Variants in CAMTA1 observed in about 807,000 individuals in gnomAD.
The protein encoded by CAMTA1 is calmodulin-binding transcription activator 1.
A neutral mutation model predicts 170.9 loss-of-function variants in CAMTA1; 27 were observed. The observed-to-expected ratio is 0.16, with a 90% CI of 0.12 to 0.22. The LOEUF (loss-of-function observed/expected upper bound fraction) is 0.22, where lower values mean the gene tolerates loss of function less well. Among genes scored for constraint, CAMTA1 ranks in the 10% least tolerant of loss-of-function variants. The pLI is 1.00. For missense variants in CAMTA1, 1,619 were observed against 2,217.2 expected, an observed-to-expected ratio of 0.73 and a Z score of 5.42; for synonymous variants, 833 against 891.5, an observed-to-expected ratio of 0.93 and a Z score of 1.17.
intron 11 of CAMTA1, among the ~76,000 whole-genome samples, chr1:7,712,330 T>C: frequency 6.6e-6 from 1 of 152,116 alleles, no homozygotes; most frequent in East Asian, 1.9e-4. Flanking sequence ...ATTACTATTT[T>C]TTTTTTTTGA....
At chr1:7,011,267 T>C (rs964049500) in intron 3 of CAMTA1, among the ~76,000 whole-genome samples, 2 of 152,180 alleles carry the variant, frequency 1.3e-5, no homozygotes, top group Non-Finnish European at 2.9e-5. Flanking sequence ...GGCAATGCTG[T>C]GATCTCGGCT....
At chr1:7,040,264 C>T (rs561182117) in intron 3 of CAMTA1, among the ~76,000 whole-genome samples, 3 of 151,746 alleles carry the variant, frequency 2.0e-5, no homozygotes, top group East Asian at 1.9e-4. Flanking sequence ...CTCTTGATAG[C>T]GTAATGCCAG....
In CAMTA1 at chr1:7,304,851, T is replaced by C. The variant is rs572867128; in HGVS notation, c.438+55225T>C. Among the ~76,000 whole-genome samples, 5 of 152,142 alleles carry C rather than the reference T, an allele frequency of 3.3e-5. No homozygotes were observed. The South Asian group carries it at 1.0e-3, about 31-fold the overall frequency. On this transcript the variant is annotated intron_variant, in intron 5 of 22. Coordinates refer to ENST00000303635, the MANE Select transcript of CAMTA1 (RefSeq NM_015215.4). ...GCTTTTTAATATTTTTTCTAGACAT[T>C]TAAAAAAGTGTAAGTAGCCAAATTT...
At chr1:7,600,310 A>G in intron 6 of CAMTA1, among the ~76,000 whole-genome samples, 1 of 143,756 alleles carries the variant, frequency 7.0e-6, no homozygotes, top group Non-Finnish European at 1.5e-5. Context: ...CATGGTGGAT[A>G]AGCTTTTGAT....
chr1:7,270,928 G>T (rs192326420), intron 5 of CAMTA1, among the ~76,000 whole-genome samples: 1 of 152,298 alleles, frequency 6.6e-6, no homozygotes, highest in Non-Finnish European at 1.5e-5. Flanking sequence ...AGCTCTTAAT[G>T]CCTATATCAA....
At chr1:7,576,733 G>A (rs886156956) in intron 6 of CAMTA1, among the ~76,000 whole-genome samples, 2 of 152,170 alleles carry the variant, frequency 1.3e-5, no homozygotes, top group African/African-American at 2.4e-5. Flanking sequence ...AGAGTGATGG[G>A]AGCGGGTGCT....
chr1:7,536,559 G>A lies in CAMTA1; in HGVS notation c.510+68658G>A, dbSNP rs12077705. Among the ~76,000 whole-genome samples the A allele has an allele frequency of 6.0e-3, 918 of 152,276 alleles. 4 individuals carry two copies. Among genetic ancestry groups the A allele is most frequent in the African/African-American group, 0.02 (850 of 41,544 alleles). Reference sequence around the variant, plus strand: ...TGGAGCTGGGCAGGCCTTGACAGGGGCTCTAGCCCAGGGTTCCCTATTCTG... The same window carrying A: ...TGGAGCTGGGCAGGCCTTGACAGGGACTCTAGCCCAGGGTTCCCTATTCTG... On this transcript the variant is annotated intron_variant, in intron 6 of 22. Transcript: ENST00000303635.
chr1:7,447,791 G>C, intron 5 of CAMTA1, among the ~76,000 whole-genome samples: 1 of 152,232 alleles, frequency 6.6e-6, no homozygotes, highest in East Asian at 1.9e-4. Flanking sequence ...CTGCCTTCCT[G>C]TGCTGAGTGT....
chr1:7,104,021 TAC>T (rs1232914535), intron 4 of CAMTA1, among the ~76,000 whole-genome samples: 1 of 128,374 alleles, frequency 7.8e-6, no homozygotes, highest in African/African-American at 3.2e-5. Context: ...TACACACATG[TAC>T]ACACTACATA....
intron 3 of CAMTA1, among the ~76,000 whole-genome samples, chr1:7,056,049 C>G (rs912699583): frequency 3.3e-5 from 5 of 152,184 alleles, no homozygotes; most frequent in African/African-American, 1.2e-4. Flanking sequence ...AGATCCTGTG[C>G]CTTTTGCTCT....
chr1:6,785,649 G>T, intron 1 of CAMTA1, 74 bp downstream of exon 1: 2 of 829,234 alleles, frequency 2.4e-6, no homozygotes, highest in Non-Finnish European at 2.9e-6. Flanking sequence ...GACATCCCGG[G>T]CATCGGCGGC....
intron 5 of CAMTA1, among the ~76,000 whole-genome samples, chr1:7,253,431 C>G (rs1438843846): frequency 2.0e-5 from 3 of 152,202 alleles, no homozygotes; most frequent in Non-Finnish European, 4.4e-5. Context: ...GTCCGCATCT[C>G]TCTGCTGAGA....
intron 6 of CAMTA1, among the ~76,000 whole-genome samples, chr1:7,485,623 G>T (rs2093607706): frequency 1.3e-5 from 2 of 152,174 alleles, no homozygotes; most frequent in South Asian, 4.1e-4. Context: ...TGGGCCCCTG[G>T]GTGAGTCCAG....
At chr1:6,991,427 G>A (rs1696353187) in intron 3 of CAMTA1, among the ~76,000 whole-genome samples, 1 of 152,090 alleles carries the variant, frequency 6.6e-6, no homozygotes, top group Admixed American at 6.6e-5. Context: ...CATTCTGATG[G>A]GTGAACAGTG....
chr1:6,884,169 T>C (rs1571351488), intron 3 of CAMTA1, among the ~76,000 whole-genome samples: 1 of 109,658 alleles, frequency 9.1e-6, no homozygotes, highest in East Asian at 2.6e-4. Flanking sequence ...TCTCACTCCT[T>C]CTGAGGGGAG....
At position 7,692,399 on chromosome 1, in the gene CAMTA1, G is replaced by T. The variant is rs190722991; in HGVS notation, c.2914+14666G>T. 1.2e-4 allele frequency among the ~76,000 whole-genome samples: 19 copies of T among 152,082 alleles called. No homozygotes were observed. The South Asian group carries it at 3.9e-3, about 32-fold the overall frequency. On this transcript the variant is annotated intron_variant, in intron 11 of 22. Transcript: ENST00000303635. ...AGAGAGGGAGGGGGTTTCTCAGGCC[G>T]GTCCTTGGCAAGTCACTACATGGTA...
At chr1:7,475,211 A>G (rs529891257) in intron 6 of CAMTA1, among the ~76,000 whole-genome samples, 2 of 152,348 alleles carry the variant, frequency 1.3e-5, no homozygotes, top group African/African-American at 4.8e-5. Context: ...AACCATTTTT[A>G]TGTTTCATCA....
At chr1:7,372,413 G>A (rs2086539559) in intron 5 of CAMTA1, among the ~76,000 whole-genome samples, 1 of 152,206 alleles carries the variant, frequency 6.6e-6, no homozygotes. Context: ...AAACTAGCAT[G>A]CAGTTTCTTT....
At chr1:7,428,954 A>G (rs138629582) in intron 5 of CAMTA1, among the ~76,000 whole-genome samples, 6 of 152,326 alleles carry the variant, frequency 3.9e-5, no homozygotes, top group Non-Finnish European at 7.3e-5. Context: ...ATCTTAGCAG[A>G]TGGTTATTGC....
Sources: gnomAD v4.1 joint callset for allele counts (sites outside exome capture counted in the v4.1 genomes callset) on GRCh38, gnomAD v4.1.1 for gene constraint, MANE v1.5 for transcripts, NCBI Gene and HGNC (gene_info 2026-07-23, HGNC 2026-07-21) for gene names.